ADCY1: variants seen among roughly 807,000 people sequenced by gnomAD.
ADCY1 encodes adenylate cyclase 1.
A neutral mutation model predicts 105.4 loss-of-function variants in ADCY1; 28 were observed. That is an observed-to-expected ratio of 0.27 (90% CI 0.20 to 0.36). The LOEUF is 0.36. ADCY1 is among the 10% of genes least tolerant of loss of function. The pLI is 1.00. For synonymous variants in ADCY1, 655 were observed against 623.8 expected, an observed-to-expected ratio of 1.05 and a Z score of -0.75; for missense variants, 977 against 1,434.2, an observed-to-expected ratio of 0.68 and a Z score of 5.15.
In ADCY1 at chr7:45,662,049, G is replaced by C; in HGVS notation, c.1450-10G>C. The stretch of plus-strand genomic sequence containing the variant: ...CAGCATTTCTCCTTGCCCCTTGTGT[G>C]TTTGGACAGATATTTCCAGGCCTGA... On this transcript the variant is annotated splice_polypyrimidine_tract_variant and intron_variant, in intron 7 of 19. Transcript: ENST00000297323. 6.2e-7 allele frequency: 1 copy of C among 1,613,158 alleles called. No individual in the cohort carries two copies. The highest frequency in any genetic ancestry group is 8.5e-7 in the Non-Finnish European group (1 of 1,179,412).
At chr7:45,650,233 TC>T (rs1794773646) in intron 5 of ADCY1, among the ~76,000 whole-genome samples, 1 of 152,198 alleles carries the variant, frequency 6.6e-6, no homozygotes. Flanking sequence ...TATCACATAA[TC>T]TACCATATAA....
At chr7:45,597,769 G>A (rs1005485001) in intron 2 of ADCY1, among the ~76,000 whole-genome samples, 5 of 152,214 alleles carry the variant, frequency 3.3e-5, no homozygotes, top group Non-Finnish European at 7.3e-5. Context: ...CACCTTCTCA[G>A]GGCAGCCCAT....
intron 16 of ADCY1, 74 bp from the exon 17 acceptor site, chr7:45,704,444 C>T (rs913143190): frequency 3.7e-6 from 5 of 1,348,082 alleles, no homozygotes; most frequent in Middle Eastern, 1.8e-4. Context: ...TGCTGTTGCT[C>T]CTGGGGGCTG....
Position 45,722,780 on chromosome 7 carries a change from G to C in ADCY1, c.*8785G>C, listed in dbSNP as rs191538750. On this transcript the variant is annotated 3_prime_UTR_variant, in exon 20 of 20. Transcript: ENST00000297323. Reference sequence around the variant, plus strand: ...TTCTCGCACAATACAACTCACTGAGGATGCTTCTGTAGAAGTGAGAAACAC... The same window carrying C: ...TTCTCGCACAATACAACTCACTGAGCATGCTTCTGTAGAAGTGAGAAACAC... 2 of 152,706 alleles carry C rather than the reference G, an allele frequency of 1.3e-5. No homozygotes were observed. The highest frequency in any genetic ancestry group is 2.9e-5 in the Non-Finnish European group (2 of 68,032). The allele number at this position is 152,706 out of a possible 1,614,324, so 9.5% of individuals were successfully genotyped here.
At chr7:45,634,252 T>G (rs1168965826) in intron 4 of ADCY1, among the ~76,000 whole-genome samples, 1 of 152,164 alleles carries the variant, frequency 6.6e-6, no homozygotes, top group Non-Finnish European at 1.5e-5. Context: ...TTTTACTGGC[T>G]AGAACCACCA....
At chr7:45,590,032 C>G (rs1374745531) in intron 1 of ADCY1, among the ~76,000 whole-genome samples, 1 of 152,146 alleles carries the variant, frequency 6.6e-6, no homozygotes, top group Non-Finnish European at 1.5e-5. Flanking sequence ...CTGGTTCCCT[C>G]TGAGAAAGGG....
At chr7:45,700,884 G>C (rs1006932375) in intron 14 of ADCY1, among the ~76,000 whole-genome samples, 1 of 152,192 alleles carries the variant, frequency 6.6e-6, no homozygotes. Flanking sequence ...TCGGCACACA[G>C]GGAGTTGCCA....
At chr7:45,629,688 T>G (rs1794179695) in intron 4 of ADCY1, among the ~76,000 whole-genome samples, 1 of 151,830 alleles carries the variant, frequency 6.6e-6, no homozygotes, top group Non-Finnish European at 1.5e-5. Context: ...CCGGCTAATT[T>G]TTTTGTATTT....
Position 45,686,153 on chromosome 7 carries a change from G to A in ADCY1, c.2265G>A (p.Leu755=). The A allele has an allele frequency of 6.2e-7, 1 of 1,614,174 alleles. No individual in the cohort carries two copies. Among genetic ancestry groups the A allele is most frequent in the South Asian group, 1.1e-5 (1 of 91,078 alleles). The change falls in exon 13 of 20, where the codon CTG becomes CTA. Residue 755 remains leucine, a synonymous_variant. Transcript: ENST00000297323. This position sits in a 1 kb window ranked among gnomAD's most constrained non-coding sequence, Gnocchi z 4.3. The part of the protein sequence containing the change: ...FRVSSLPKMI[L]LSGLTTSYIL... ...TGTCCTCCTTGCCAAAAATGATCCT[G>A]CTCTCCGGGCTCACCACGTCCTACA...
At chr7:45,701,176 T>C (rs1481924542) in intron 14 of ADCY1, among the ~76,000 whole-genome samples, 2 of 152,250 alleles carry the variant, frequency 1.3e-5, no homozygotes, top group Non-Finnish European at 2.9e-5. Flanking sequence ...GAAAATCTTA[T>C]AGACTGAGAA....
intron 4 of ADCY1, among the ~76,000 whole-genome samples, chr7:45,623,371 C>G (rs1389484750): frequency 6.6e-6 from 1 of 152,226 alleles, no homozygotes; most frequent in Non-Finnish European, 1.5e-5. Context: ...CAAAGATGAG[C>G]AAGCTAGCCA....
intron 1 of ADCY1, among the ~76,000 whole-genome samples, chr7:45,587,052 C>T (rs1314299432): frequency 2.0e-5 from 3 of 152,182 alleles, no homozygotes; most frequent in Admixed American, 6.5e-5. Context: ...TGGGGCAGCC[C>T]GGGTGATGTC....
In ADCY1 at chr7:45,686,779, G is replaced by A. The variant is rs1015575108; in HGVS notation, c.2454+106G>A. On this transcript the variant is annotated intron_variant, in intron 14 of 19. Coordinates refer to ENST00000297323, the MANE Select transcript of ADCY1 (RefSeq NM_021116.4). The surrounding 1 kb of genome is among the most constrained non-coding windows in gnomAD (Gnocchi z 4.3). ...GCCACAGACACCCACACGCCGTATG[G>A]CCCTCGGAGGGCCCTCCTCAGCAGC... 2.8e-6 allele frequency: 4 copies of A among 1,449,020 alleles called. No individual in the cohort carries two copies. The African/African-American group carries it at 4.2e-5, about 15-fold the overall frequency. 89.8% of individuals were successfully genotyped at this position (1,449,020 alleles called of 1,614,324 possible). A position where few individuals can be genotyped will look rare whatever the true frequency, so the allele number is the denominator to read the frequency against.
At chr7:45,582,547 G>T (rs1007243876) in intron 1 of ADCY1, among the ~76,000 whole-genome samples, 10 of 145,068 alleles carry the variant, frequency 6.9e-5, no homozygotes, top group African/African-American at 2.5e-4. Context: ...CCTCTCTAGT[G>T]CAGGCCAGGG....
At chr7:45,606,756 TAATC>T (rs1793385311) in intron 2 of ADCY1, among the ~76,000 whole-genome samples, 1 of 152,252 alleles carries the variant, frequency 6.6e-6, no homozygotes. Flanking sequence ...CACATTTTGA[TAATC>T]AAGATAAATT....
At chr7:45,707,578 A>G (rs1342880912) in intron 17 of ADCY1, among the ~76,000 whole-genome samples, 4 of 152,236 alleles carry the variant, frequency 2.6e-5, no homozygotes, top group Non-Finnish European at 5.9e-5. Flanking sequence ...AAACTGTTGT[A>G]TGTAATACTG....
At position 45,721,764 on chromosome 7, in the gene ADCY1, T is replaced by C. The variant is rs573108349; in HGVS notation, c.*7769T>C. ...AGGGCTTATGATGGATGGTGAGAGA[T>C]TTGACAACCACCAGAGCACATGTGC... On this transcript the variant is annotated 3_prime_UTR_variant, in exon 20 of 20. Coordinates refer to ENST00000297323, the MANE Select transcript of ADCY1 (RefSeq NM_021116.4). The C allele has an allele frequency of 2.5e-6, 1 of 398,568 alleles. No homozygotes were observed. The highest frequency in any genetic ancestry group is 4.4e-6 in the Non-Finnish European group (1 of 226,072). The allele number at this position is 398,568 out of a possible 1,614,324, so 24.7% of individuals were successfully genotyped here.
intron 3 of ADCY1, among the ~76,000 whole-genome samples, chr7:45,622,181 C>T (rs1479843299): frequency 1.3e-5 from 2 of 152,164 alleles, no homozygotes; most frequent in Non-Finnish European, 2.9e-5. Context: ...ACACCACACT[C>T]AGGGCCTGGG....
chr7:45,648,662 C>A lies in ADCY1; in HGVS notation c.1021-8C>A. On this transcript the variant is annotated splice_polypyrimidine_tract_variant and splice_region_variant and intron_variant, in intron 4 of 19. Coordinates refer to ENST00000297323, the MANE Select transcript of ADCY1 (RefSeq NM_021116.4). ...GTCTCTTACCATGTGCCTTGCCCTTCCCTGAAGGAGAACCACTGTCGCCGC... is the reference window on the plus strand; with the variant it reads ...GTCTCTTACCATGTGCCTTGCCCTTACCTGAAGGAGAACCACTGTCGCCGC... The A allele has an allele frequency of 6.2e-7, 1 of 1,614,150 alleles. No homozygotes were observed. The highest frequency in any genetic ancestry group is 1.3e-5 in the African/African-American group (1 of 75,066).
Sources: allele counts gnomAD v4.1 joint callset (sites outside exome capture counted in the v4.1 genomes callset), GRCh38; gene constraint gnomAD v4.1.1; non-coding constraint Gnocchi (gnomAD v3.1); transcripts MANE v1.5; gene names NCBI Gene and HGNC (gene_info 2026-07-23, HGNC 2026-07-21).